Variants in DCC observed in about 807,000 individuals in gnomAD.
The protein encoded by DCC is netrin receptor DCC.
DCC carries 58 observed loss-of-function variants against 172.5 expected under a neutral mutation model. That is an observed-to-expected ratio of 0.34 (90% CI 0.27 to 0.42). DCC has a LOEUF of 0.42. Ranked by LOEUF, DCC falls within the 10% of genes least tolerant of loss-of-function variation. DCC has a pLI of 1.00. For synonymous variants in DCC, 709 were observed against 644.5 expected (o/e 1.10, Z -1.52); for missense variants, 1,740 against 1,791.0 (o/e 0.97, Z 0.51).
intron 9 of DCC, among the ~76,000 whole-genome samples, chr18:53,190,502 G>GTA (rs1300135626): frequency 2.3e-5 from 3 of 133,294 alleles, no homozygotes; most frequent in African/African-American, 8.3e-5. Flanking sequence ...GTGTGTGTGT[G>GTA]TACACAAACT....
chr18:53,076,509 T>C lies in DCC; in HGVS notation c.1261+10343T>C, dbSNP rs551132844. Among the ~76,000 whole-genome samples, 7 of 152,236 alleles carry C rather than the reference T, an allele frequency of 4.6e-5. No homozygotes were observed. The South Asian group carries it at 1.0e-3, about 23-fold the overall frequency. ...TTTGGCTGTATCAAGTCAGCAGCTG[T>C]TGTTGATATGTGATAGGATTAGTAG... On this transcript the variant is annotated intron_variant, in intron 7 of 28. Coordinates refer to ENST00000442544, the MANE Select transcript of DCC (RefSeq NM_005215.4).
chr18:53,074,302 T>A (rs927300386), intron 7 of DCC, among the ~76,000 whole-genome samples: 1 of 152,194 alleles, frequency 6.6e-6, no homozygotes, highest in African/African-American at 2.4e-5. Context: ...AATGGGTCCT[T>A]ATAGTTTCCT....
intron 1 of DCC, among the ~76,000 whole-genome samples, chr18:52,474,817 C>T (rs528940294): frequency 5.9e-5 from 9 of 152,182 alleles, no homozygotes; most frequent in South Asian, 4.1e-4. Flanking sequence ...AGAGAGCCCA[C>T]GGGAAAGACT....
At position 53,427,875 on chromosome 18, in the gene DCC, T is replaced by G. The variant is rs1222756501; in HGVS notation, c.3164-7269T>G. ...TCTTTTTATATATAATATATAAATATATACATATATAATATAATAAATTAT... is the reference window on the plus strand; with the variant it reads ...TCTTTTTATATATAATATATAAATAGATACATATATAATATAATAAATTAT... On this transcript the variant is annotated intron_variant, in intron 21 of 28. Coordinates refer to ENST00000442544, the MANE Select transcript of DCC (RefSeq NM_005215.4). 2.3e-5 allele frequency among the ~76,000 whole-genome samples: 2 copies of G among 85,586 alleles called. 1 individual carries two copies. The highest frequency in any genetic ancestry group is 5.2e-5 in the Non-Finnish European group (2 of 38,624). The allele number at this position is 85,586 out of a possible 152,430, so 56.1% of individuals were successfully genotyped here.
chr18:53,026,010 A>G (rs2143939994), intron 5 of DCC, among the ~76,000 whole-genome samples: 1 of 152,228 alleles, frequency 6.6e-6, no homozygotes, highest in Non-Finnish European at 1.5e-5. Context: ...TTTTCAACAC[A>G]GAAAATGTTC....
chr18:53,376,251 G>A (rs1907277063), intron 15 of DCC, among the ~76,000 whole-genome samples: 1 of 152,058 alleles, frequency 6.6e-6, no homozygotes, highest in Non-Finnish European at 1.5e-5. Context: ...GGGCGTGTTG[G>A]TGGGTGCCTG....
intron 18 of DCC, among the ~76,000 whole-genome samples, chr18:53,398,055 A>T (rs990651015): frequency 1.3e-5 from 2 of 152,160 alleles, no homozygotes; most frequent in African/African-American, 4.8e-5. Context: ...GTAAATGTAG[A>T]GTTTATAACT....
chr18:53,397,156 T>C (rs768936710), intron 17 of DCC, 152 bp from the exon 18 acceptor site: 6 of 704,888 alleles, frequency 8.5e-6, no homozygotes, highest in Admixed American at 4.3e-5. Flanking sequence ...GGTTAATAGA[T>C]GGGAATTCGA....
chr18:53,099,943 C>CTTTTTTTTTTTTTTTTTTTTTTTTTTT (rs533618559), intron 7 of DCC, among the ~76,000 whole-genome samples: 2 of 92,758 alleles, frequency 2.2e-5, no homozygotes, highest in South Asian at 3.6e-4. Flanking sequence ...TTCTTTCTTT[C>CTTTTTTTTTTTTTTTTTTTTTTTTTTT]TTTTTTTTTT....
intron 9 of DCC, among the ~76,000 whole-genome samples, chr18:53,194,709 A>T (rs945902993): frequency 6.6e-6 from 1 of 152,102 alleles, no homozygotes; most frequent in African/African-American, 2.4e-5. Flanking sequence ...ACCTCAGGTG[A>T]TCCACTCACC....
At chr18:52,391,647 G>A (rs982654679) in intron 1 of DCC, among the ~76,000 whole-genome samples, 2 of 152,092 alleles carry the variant, frequency 1.3e-5, no homozygotes, top group Non-Finnish European at 2.9e-5. Flanking sequence ...AACTGCCCTA[G>A]TTCAAGGGGA....
At chr18:52,504,733 C>G (rs892591226) in intron 1 of DCC, among the ~76,000 whole-genome samples, 2 of 152,032 alleles carry the variant, frequency 1.3e-5, no homozygotes, top group East Asian at 1.9e-4. Context: ...CTGCTTCCCC[C>G]CTCAACTTCT....
chr18:53,221,335 A>G (rs1598919201), intron 12 of DCC, among the ~76,000 whole-genome samples: 2 of 151,986 alleles, frequency 1.3e-5, no homozygotes. Context: ...ATTTCCCCAC[A>G]CAGTCATAGA....
At chr18:52,519,896 A>T (rs2031758302) in intron 1 of DCC, among the ~76,000 whole-genome samples, 1 of 152,204 alleles carries the variant, frequency 6.6e-6, no homozygotes, top group African/African-American at 2.4e-5. Flanking sequence ...GCAATGAAAA[A>T]GATGGACTGG....
chr18:53,117,781 G>C (rs1280444324), intron 7 of DCC, among the ~76,000 whole-genome samples: 1 of 151,654 alleles, frequency 6.6e-6, no homozygotes, highest in Non-Finnish European at 1.5e-5. Context: ...GGCAAATGCA[G>C]CCACAGAAAT....
intron 7 of DCC, among the ~76,000 whole-genome samples, chr18:53,092,701 CAT>C (rs1208553084): frequency 3.9e-5 from 6 of 152,056 alleles, no homozygotes; most frequent in Non-Finnish European, 7.4e-5. Context: ...TTTTCTCTCA[CAT>C]GTTTATTTTG....
chr18:53,063,218 C>T (rs2042520314), intron 5 of DCC, 87 bp from the exon 6 acceptor site: 1 of 1,135,352 alleles, frequency 8.8e-7, no homozygotes, highest in South Asian at 1.2e-5. Flanking sequence ...TATCCCAGAG[C>T]AGTGTTTTAA....
chr18:52,565,978 G>C (rs920985771), intron 1 of DCC, among the ~76,000 whole-genome samples: 1 of 152,048 alleles, frequency 6.6e-6, no homozygotes, highest in African/African-American at 2.4e-5. Context: ...TAGGTCTTAT[G>C]TTTAAGTCTT....
intron 2 of DCC, among the ~76,000 whole-genome samples, chr18:52,832,782 A>C (rs780974469): frequency 2.1e-4 from 32 of 152,258 alleles, no homozygotes; most frequent in Admixed American, 6.5e-4. Flanking sequence ...GTAGCTATGG[A>C]CCAAGTGGCA....
Sources: allele counts gnomAD v4.1 joint callset (sites outside exome capture counted in the v4.1 genomes callset), GRCh38; gene constraint gnomAD v4.1.1; transcripts MANE v1.5; gene names NCBI Gene and HGNC (gene_info 2026-07-23, HGNC 2026-07-21).